The following CYB5R4 variants were observed in gnomAD, a reference collection of about 807,000 sequenced individuals.
CYB5R4 encodes N-terminal cytochrome b5 and cytochrome b5 oxidoreductase domain-containing protein.
In CYB5R4, 55 loss-of-function variants were observed where a neutral mutation model predicts 70.2. The observed-to-expected ratio is 0.78, with a 90% confidence interval of 0.63 to 0.98. The LOEUF (loss-of-function observed/expected upper bound fraction) is 0.98. Among genes scored for constraint, CYB5R4 ranks in the 50% least tolerant of loss-of-function variants. The probability of loss-of-function intolerance (pLI) is 0.00; values close to 1 mark genes in which losing one functional copy is unlikely to be tolerated. For synonymous variants in CYB5R4, 197 were observed against 199.5 expected, an observed-to-expected ratio of 0.99 and a Z score of 0.11; for missense variants, 562 against 612.6, an observed-to-expected ratio of 0.92 and a Z score of 0.87.
chr6:83,909,999 G>T (rs1477465785), intron 4 of CYB5R4: 1 of 1,597,178 alleles, frequency 6.3e-7, no homozygotes, highest in Non-Finnish European at 8.5e-7. Flanking sequence ...TATTAAAAAT[G>T]ATGGTATTAG....
rs1468265042 is a variant in CYB5R4 at position 83,963,349 on chromosome 6, T to C, written c.*3471T>C. The C allele has an allele frequency of 1.3e-5, 2 of 152,186 alleles. No individual in the cohort carries two copies. The highest frequency in any genetic ancestry group is 1.5e-5 in the Non-Finnish European group (1 of 68,080). 9.4% of individuals were successfully genotyped at this position (152,186 alleles called of 1,614,324 possible). A position where few individuals can be genotyped will look rare whatever the true frequency, so the allele number is the denominator to read the frequency against. ...CAACTTCATTATGCTGGCAAAGGCA[T>C]GGGTACAACCTGCTCTGTGATCTAC... On this transcript the variant is annotated 3_prime_UTR_variant, in exon 16 of 16. Coordinates refer to ENST00000369681, the MANE Select transcript of CYB5R4 (RefSeq NM_016230.4).
intron 2 of CYB5R4, among the ~76,000 whole-genome samples, chr6:83,877,835 G>A (rs2099458817): frequency 6.6e-6 from 1 of 152,096 alleles, no homozygotes; most frequent in Non-Finnish European, 1.5e-5. Flanking sequence ...GTTTGACTAT[G>A]ATATGGTTTT....
chr6:83,950,817 A>G (rs1312478863), intron 14 of CYB5R4, among the ~76,000 whole-genome samples: 1 of 152,188 alleles, frequency 6.6e-6, no homozygotes, highest in Admixed American at 6.6e-5. Context: ...TTCTATTCAT[A>G]TGCATACCTA....
chr6:83,948,579 G>T (rs890583429), intron 14 of CYB5R4, among the ~76,000 whole-genome samples: 4 of 152,048 alleles, frequency 2.6e-5, no homozygotes, highest in Non-Finnish European at 5.9e-5. Context: ...ATTTCTGATG[G>T]TTTTTTGGCT....
At chr6:83,923,497 A>G (rs1185498520) in intron 9 of CYB5R4, among the ~76,000 whole-genome samples, 1 of 152,196 alleles carries the variant, frequency 6.6e-6, no homozygotes, top group African/African-American at 2.4e-5. Flanking sequence ...TGTTCACTAT[A>G]GGGGAGAGCA....
At chr6:83,893,473 A>G (rs774678110) in intron 2 of CYB5R4, 49 bp from the exon 3 acceptor site, 8 of 1,106,362 alleles carry the variant, frequency 7.2e-6, no homozygotes, top group African/African-American at 6.3e-5. Flanking sequence ...AAGTTTTACA[A>G]TTTTTGAGAA....
intron 4 of CYB5R4, among the ~76,000 whole-genome samples, chr6:83,909,466 C>T (rs555983622): frequency 3.3e-5 from 5 of 152,220 alleles, no homozygotes; most frequent in East Asian, 1.9e-4. Flanking sequence ...ATGGACCTTC[C>T]GACTCTGCGC....
At chr6:83,863,267 G>A (rs555711430) in intron 1 of CYB5R4, among the ~76,000 whole-genome samples, 45 of 152,210 alleles carry the variant, frequency 3.0e-4, no homozygotes, top group African/African-American at 1.0e-3. Context: ...GCCTCATAAG[G>A]TTTCAGGCTC....
intron 12 of CYB5R4, among the ~76,000 whole-genome samples, chr6:83,939,562 G>A (rs1238245395): frequency 6.6e-6 from 1 of 152,130 alleles, no homozygotes; most frequent in Non-Finnish European, 1.5e-5. Context: ...ATTTTAGAAT[G>A]CATTTCTATT....
intron 2 of CYB5R4, among the ~76,000 whole-genome samples, chr6:83,888,486 C>T (rs546983761): frequency 2.6e-5 from 4 of 152,168 alleles, no homozygotes; most frequent in Admixed American, 2.0e-4. Context: ...TATTGTATCT[C>T]TTATGATGAT....
intron 2 of CYB5R4, among the ~76,000 whole-genome samples, chr6:83,879,339 G>A (rs1025541141): frequency 6.6e-5 from 10 of 152,224 alleles, no homozygotes; most frequent in Admixed American, 3.9e-4. Flanking sequence ...TATTCACACC[G>A]AATCTGGGTC....
chr6:83,894,995 T>C (rs1464355258), intron 3 of CYB5R4, among the ~76,000 whole-genome samples: 3 of 152,166 alleles, frequency 2.0e-5, no homozygotes, highest in Non-Finnish European at 4.4e-5. Context: ...CTTAGGTGCA[T>C]TTGCTTAAAT....
intron 2 of CYB5R4, among the ~76,000 whole-genome samples, chr6:83,865,553 A>G (rs536238605): frequency 2.6e-5 from 4 of 152,202 alleles, no homozygotes; most frequent in African/African-American, 9.6e-5. Context: ...TTCACGTGGC[A>G]TATTCCCTAT....
rs537032439 is a variant in CYB5R4 at position 83,906,855 on chromosome 6, AT to A, written c.331-2147del. On this transcript the variant is annotated intron_variant, in intron 3 of 15. Transcript: ENST00000369681. ...ATACCATAAAGATTCCAGTATCAACATTTTTTTGGCTGGTTATTTTAATGAT... is the reference window on the plus strand; with the variant it reads ...ATACCATAAAGATTCCAGTATCAACATTTTTTGGCTGGTTATTTTAATGAT... Among the ~76,000 whole-genome samples, 101 of 152,142 alleles carry A rather than the reference AT, an allele frequency of 6.6e-4. No individual in the cohort carries two copies. The East Asian group carries it at 0.019, about 29-fold the overall frequency.
At chr6:83,922,543 A>C in intron 9 of CYB5R4, 73 bp downstream of exon 9, 1 of 1,016,792 alleles carries the variant, frequency 9.8e-7, no homozygotes, top group Non-Finnish European at 1.5e-6. Context: ...AGATACGAAA[A>C]AATTGAAAAA....
At chr6:83,886,202 C>T (rs1536149) in intron 2 of CYB5R4, among the ~76,000 whole-genome samples, 23,321 of 151,940 alleles carry the variant, frequency 0.15, 3,487 homozygotes, top group African/African-American at 0.37. Flanking sequence ...TTCTCTCTTC[C>T]TCTTTTCATA....
chr6:83,932,980 C>T (rs2099468394), intron 10 of CYB5R4, among the ~76,000 whole-genome samples: 1 of 152,178 alleles, frequency 6.6e-6, no homozygotes, highest in African/African-American at 2.4e-5. Context: ...TAGCATAGAA[C>T]ATACTTTGAC....
chr6:83,893,143 C>T (rs2099461389), intron 2 of CYB5R4, among the ~76,000 whole-genome samples: 1 of 152,206 alleles, frequency 6.6e-6, no homozygotes, highest in Admixed American at 6.5e-5. Flanking sequence ...CAGAGTTCCT[C>T]TTCTGTAATG....
intron 3 of CYB5R4, 31 bp downstream of exon 3, chr6:83,893,653 C>A: frequency 1.6e-6 from 2 of 1,261,176 alleles, no homozygotes; most frequent in Non-Finnish European, 1.1e-6. Context: ...CCAAAGTATT[C>A]CGGTGGAAGA....
Sources: gnomAD v4.1 joint callset for allele counts (sites outside exome capture counted in the v4.1 genomes callset) on GRCh38, gnomAD v4.1.1 for gene constraint, MANE v1.5 for transcripts, NCBI Gene and HGNC (gene_info 2026-07-23, HGNC 2026-07-21) for gene names.